SLC19A2: variants seen among roughly 807,000 people sequenced by gnomAD.
The protein encoded by SLC19A2 is solute carrier family 19 member 2.
Under a neutral mutation model 44.7 loss-of-function variants are expected in SLC19A2, and 27 were observed. The observed-to-expected ratio is 0.60, with a 90% CI of 0.45 to 0.83. SLC19A2 has a LOEUF of 0.83. Among genes scored for constraint, SLC19A2 ranks in the 40% least tolerant of loss-of-function variants. The pLI is 0.00. For synonymous variants in SLC19A2, 239 were observed against 243.6 expected (o/e 0.98, Z 0.18); for missense variants, 566 against 613.7 (o/e 0.92, Z 0.82).
intron 1 of SLC19A2, 136 bp downstream of exon 1, chr1:169,485,427 A>G: frequency 1.1e-6 from 1 of 940,052 alleles, no homozygotes; most frequent in Non-Finnish European, 1.7e-6. Context: ...AAGAGCACGA[A>G]GCCGACCTCC....
At chr1:169,471,744 G>C (rs1018183315) in intron 2 of SLC19A2, among the ~76,000 whole-genome samples, 1 of 146,356 alleles carries the variant, frequency 6.8e-6, no homozygotes. Context: ...AAAATTAATA[G>C]ATATTTTCTC....
chr1:169,480,579 T>C (rs1348631348), intron 1 of SLC19A2, among the ~76,000 whole-genome samples: 1 of 152,170 alleles, frequency 6.6e-6, no homozygotes, highest in Non-Finnish European at 1.5e-5. Context: ...CCCAAAGTGC[T>C]GTGAACCACC....
At position 169,465,687 on chromosome 1, in the gene SLC19A2, A is replaced by T; in HGVS notation, c.*162T>A. The stretch of plus-strand genomic sequence containing the variant: ...AACTTTACTTCTGGCTCCTCTGAAT[A>T]GTATCATGTTATTCCCGGAACACAA... On this transcript the variant is annotated 3_prime_UTR_variant, in exon 6 of 6. Coordinates refer to ENST00000236137, the MANE Select transcript of SLC19A2 (RefSeq NM_006996.3). 1 of 716,718 alleles carries T rather than the reference A, an allele frequency of 1.4e-6. No homozygotes were observed. Among genetic ancestry groups the T allele is most frequent in the Non-Finnish European group, 2.4e-6 (1 of 414,472 alleles). 44.4% of individuals were successfully genotyped at this position (716,718 alleles called of 1,614,324 possible). A position where few individuals can be genotyped will look rare whatever the true frequency, so the allele number is the denominator to read the frequency against.
At chr1:169,478,523 ATTTTTTTT>A (rs35141285) in intron 1 of SLC19A2, among the ~76,000 whole-genome samples, 5 of 66,638 alleles carry the variant, frequency 7.5e-5, no homozygotes, top group East Asian at 1.1e-3. Context: ...CAACCAGCTA[ATTTTTTTT>A]TTTTTTTTTT....
chr1:169,482,120 G>C (rs1047244732), intron 1 of SLC19A2, among the ~76,000 whole-genome samples: 8 of 151,924 alleles, frequency 5.3e-5, no homozygotes, highest in Non-Finnish European at 1.0e-4. Context: ...AGAATCACTT[G>C]AATCTGGGAG....
At chr1:169,482,730 GA>G (rs1452094595) in intron 1 of SLC19A2, among the ~76,000 whole-genome samples, 1 of 152,196 alleles carries the variant, frequency 6.6e-6, no homozygotes, top group Non-Finnish European at 1.5e-5. Flanking sequence ...TCCAAGAAGA[GA>G]ATAAGTCTTT....
At chr1:169,470,764 A>T (rs1658153502) in intron 2 of SLC19A2, among the ~76,000 whole-genome samples, 1 of 152,200 alleles carries the variant, frequency 6.6e-6, no homozygotes, top group African/African-American at 2.4e-5. Context: ...TAAAGTAATA[A>T]ATAAAGCTAC....
chr1:169,477,823 A>G, intron 1 of SLC19A2, 66 bp from the exon 2 acceptor site: 1 of 1,502,676 alleles, frequency 6.7e-7, no homozygotes, highest in Non-Finnish European at 9.0e-7. Flanking sequence ...ATACTCATAA[A>G]GAATTTATTC....
intron 2 of SLC19A2, among the ~76,000 whole-genome samples, chr1:169,476,293 A>C (rs1296911580): frequency 6.6e-6 from 1 of 152,218 alleles, no homozygotes; most frequent in East Asian, 1.9e-4. Flanking sequence ...CACCACCTCA[A>C]ACTGTCCTCT....
At position 169,464,455 on chromosome 1, in the gene SLC19A2, T is replaced by A. The variant is rs1657940974; in HGVS notation, c.*1394A>T. 6.6e-6 allele frequency: 1 copy of A among 152,198 alleles called. No individual in the cohort carries two copies. The highest frequency in any genetic ancestry group is 2.4e-5 in the African/African-American group (1 of 41,454). The allele number at this position is 152,198 out of a possible 1,614,324, so 9.4% of individuals were successfully genotyped here. On this transcript the variant is annotated 3_prime_UTR_variant, in exon 6 of 6. Transcript: ENST00000236137. ...CCCATCCATTTGCTTCTAGGATTCC[T>A]GCTTAAACCAAATGAGTATGTCGAC...
intron 3 of SLC19A2, chr1:169,469,046 G>T: frequency 1.8e-6 from 1 of 564,048 alleles, no homozygotes. Context: ...GACTGAATTA[G>T]GAGAGGTGGC....
In SLC19A2 at chr1:169,468,595, T is replaced by G. The variant is rs748750853; in HGVS notation, c.1223+49A>C. Reference sequence around the variant, plus strand: ...TTGGTTTGTAAAGAAACCAAAAAATTTATCCTGTTACAATTTTTCCTAAGG... The same window carrying G: ...TTGGTTTGTAAAGAAACCAAAAAATGTATCCTGTTACAATTTTTCCTAAGG... On this transcript the variant is annotated intron_variant, in intron 4 of 5. Coordinates refer to ENST00000236137, the MANE Select transcript of SLC19A2 (RefSeq NM_006996.3). 22 of 1,537,250 alleles carry G rather than the reference T, an allele frequency of 1.4e-5. 1 individual carries two copies. The highest frequency in any genetic ancestry group is 3.4e-5 in the South Asian group (3 of 87,634).
intron 4 of SLC19A2, 89 bp from the exon 5 acceptor site, chr1:169,468,341 T>TA: frequency 8.5e-7 from 1 of 1,182,048 alleles, no homozygotes; most frequent in South Asian, 1.4e-5. Flanking sequence ...CATTTATCTT[T>TA]AAACATGAAG....
At position 169,477,764 on chromosome 1, in the gene SLC19A2, G is replaced by GA. The variant is rs1571538145; in HGVS notation, c.205-8dup. The GA allele has an allele frequency of 7.7e-6, 12 of 1,558,858 alleles. No homozygotes were observed. Among genetic ancestry groups the GA allele is most frequent in the Middle Eastern group, 1.7e-4 (1 of 5,728 alleles). On this transcript the variant is annotated splice_region_variant and splice_polypyrimidine_tract_variant and intron_variant, in intron 1 of 5. Coordinates refer to ENST00000236137, the MANE Select transcript of SLC19A2 (RefSeq NM_006996.3). Reference sequence around the variant, plus strand: ...GATAAATTTCATTGAAGACCTGGTAGAAAGAGAAAAAAAAAAAACAAAAAA... The same window carrying GA: ...GATAAATTTCATTGAAGACCTGGTAGAAAAGAGAAAAAAAAAAAACAAAAAA...
At chr1:169,469,907 T>G in intron 3 of SLC19A2, 57 bp downstream of exon 3, 5 of 1,487,556 alleles carry the variant, frequency 3.4e-6, no homozygotes, top group Non-Finnish European at 4.7e-6. Flanking sequence ...ATGGCTGGCT[T>G]AACTACCAGA....
intron 1 of SLC19A2, among the ~76,000 whole-genome samples, chr1:169,483,585 C>T (rs547855838): frequency 3.3e-5 from 5 of 152,196 alleles, no homozygotes; most frequent in East Asian, 1.9e-4. Flanking sequence ...ATAGTTACTA[C>T]GCCTGGCAAC....
chr1:169,478,176 G>C (rs953970922), intron 1 of SLC19A2, among the ~76,000 whole-genome samples: 11 of 151,944 alleles, frequency 7.2e-5, no homozygotes, highest in African/African-American at 2.2e-4. Flanking sequence ...GGATTACAAG[G>C]GTGAGCCACC....
At chr1:169,475,308 T>G (rs150391252) in intron 2 of SLC19A2, among the ~76,000 whole-genome samples, 130 of 152,210 alleles carry the variant, frequency 8.5e-4, no homozygotes, top group Admixed American at 1.5e-3. Flanking sequence ...AATAAAAGAA[T>G]GTATCAGAAT....
rs114400094 is a variant in SLC19A2, at chr1:169,481,597, G to A, written c.205-3840C>T. Among the ~76,000 whole-genome samples, 288 of 152,264 alleles carry A rather than the reference G, an allele frequency of 1.9e-3. 2 individuals carry two copies. Among genetic ancestry groups the A allele is most frequent in the African/African-American group, 6.7e-3 (279 of 41,542 alleles). On this transcript the variant is annotated intron_variant, in intron 1 of 5. Coordinates refer to ENST00000236137, the MANE Select transcript of SLC19A2 (RefSeq NM_006996.3). The stretch of plus-strand genomic sequence containing the variant: ...CTTCCTTGATATTTTGAATCTTGAA[G>A]GGAAACATCCTACAGGCAAAAATGT...
Sources: allele counts gnomAD v4.1 joint callset (sites outside exome capture counted in the v4.1 genomes callset), GRCh38; gene constraint gnomAD v4.1.1; transcripts MANE v1.5; gene names NCBI Gene and HGNC (gene_info 2026-07-23, HGNC 2026-07-21).